The following LAMB4 variants were observed in gnomAD, a reference collection of about 807,000 sequenced individuals.
The protein encoded by LAMB4 is laminin subunit beta-4.
In LAMB4, 196 loss-of-function variants were observed where a neutral mutation model predicts 199.2. That is an observed-to-expected ratio of 0.98 (90% CI 0.88 to 1.11). LAMB4 has a LOEUF of 1.11. Ranked by LOEUF, LAMB4 falls within the 50% of genes least tolerant of loss-of-function variation. LAMB4 has a pLI of 0.00. For missense variants in LAMB4, 2,080 were observed against 2,171.2 expected (o/e 0.96, Z 0.83); for synonymous variants, 744 against 770.6 (o/e 0.97, Z 0.57).
rs557472873 is a variant in LAMB4, at chr7:108,079,632, T to A, written c.1856A>T (p.Asp619Val). 2.0e-5 allele frequency: 32 copies of A among 1,611,036 alleles called. No homozygotes were observed. The highest frequency in any genetic ancestry group is 2.6e-5 in the Non-Finnish European group (31 of 1,179,004). ...FAVNNIPFPV[D>V]FTIAIHYETQ... ...TTCATAGTGAATGGCAATGGTGAAG[T>A]CCACAGGAAAGGGAATGTTGTTGAC... Residue 619 changes from aspartate to valine, a missense_variant, in exon 15 of 34, where the codon GAC (aspartate) becomes GTC (valine). By Grantham distance (152) the Asp-to-Val change is radical. Transcript: ENST00000388781.
In LAMB4 at chr7:108,068,886, A is replaced by G. The variant is rs372704346; in HGVS notation, c.2303-727T>C. On this transcript the variant is annotated intron_variant, in intron 18 of 33. Coordinates refer to ENST00000388781, the MANE Select transcript of LAMB4 (RefSeq NM_007356.3). ...TTTTTAGTAAAGATGGTGTTTCACC[A>G]TTTTGGCCAGGCTGGTCTCGAACTC... Among the ~76,000 whole-genome samples, 87 of 151,534 alleles carry G rather than the reference A, an allele frequency of 5.7e-4. 1 individual carries two copies. The East Asian group carries it at 8.0e-3, about 14-fold the overall frequency.
chr7:108,052,076 A>G (rs2035843881), intron 26 of LAMB4, 21 bp downstream of exon 26: 3 of 1,589,240 alleles, frequency 1.9e-6, no homozygotes. Flanking sequence ...AGACACAGTC[A>G]AAAATACATT....
chr7:108,039,507 C>T lies in LAMB4; in HGVS notation c.4472-1912G>A, dbSNP rs78564890. Among the ~76,000 whole-genome samples, 1,171 of 142,940 alleles carry T rather than the reference C, an allele frequency of 8.2e-3. 11 individuals are homozygous for T. The highest frequency in any genetic ancestry group is 0.027 in the African/African-American group (1,047 of 38,686). The allele number at this position is 142,940 out of a possible 152,430, so 93.8% of individuals were successfully genotyped here. On this transcript the variant is annotated intron_variant, in intron 29 of 33. Transcript: ENST00000388781. Reference sequence around the variant, plus strand: ...TTTTTGAGATGGTGTCTCGCTGTATCGCTCAGGCTGGAGTGCAGTGGTGCG... The same window carrying T: ...TTTTTGAGATGGTGTCTCGCTGTATTGCTCAGGCTGGAGTGCAGTGGTGCG...
rs1242359070 is a variant in LAMB4, at chr7:108,035,545, A to AC, written c.4680-1200_4680-1199insG. Among the ~76,000 whole-genome samples, 3 of 112,478 alleles carry AC rather than the reference A, an allele frequency of 2.7e-5. No homozygotes were observed. In the East Asian group the frequency reaches 8.6e-4, roughly 32 times the overall value. The allele number at this position is 112,478 out of a possible 152,430, so 73.8% of individuals were successfully genotyped here. On this transcript the variant is annotated intron_variant, in intron 30 of 33. Transcript: ENST00000388781. ...TGACAGAATGAGACCCTGTCTCAAA[A>AC]GAAAAAAAAAAAAAAAGATTTTCAA... is the stretch of plus-strand genomic sequence containing the variant.
intron 10 of LAMB4, 102 bp downstream of exon 10, chr7:108,102,942 T>C: frequency 1.0e-6 from 1 of 978,406 alleles, no homozygotes; most frequent in Non-Finnish European, 1.5e-6. Context: ...ATAGGGTAGT[T>C]TGGAGATGCC....
In LAMB4 at chr7:108,065,776, A is replaced by G; in HGVS notation, c.2822T>C (p.Leu941Pro). 6.2e-7 allele frequency: 1 copy of G among 1,614,082 alleles called. No homozygotes were observed. The highest frequency in any genetic ancestry group is 8.5e-7 in the Non-Finnish European group (1 of 1,179,962). Residue 941 changes from leucine to proline, a missense_variant, in exon 21 of 34, where the codon CTT (leucine) becomes CCT (proline). Physicochemically the swap from Leu to Pro is moderately conservative, Grantham distance 98. Coordinates refer to ENST00000388781, the MANE Select transcript of LAMB4 (RefSeq NM_007356.3). ...LWSSDVICNC[L>P]QGYTGTQCGE... ...ATACTGCATACCCGTATAACCTTGAAGACAATTGCAGATTACATCTGAGCT... is the reference window on the plus strand; with the variant it reads ...ATACTGCATACCCGTATAACCTTGAGGACAATTGCAGATTACATCTGAGCT...
chr7:108,090,433 T>C (rs1455881450), intron 14 of LAMB4, among the ~76,000 whole-genome samples: 1 of 152,176 alleles, frequency 6.6e-6, no homozygotes, highest in Non-Finnish European at 1.5e-5. Flanking sequence ...ACCTATTCCA[T>C]GTCCTGGATA....
chr7:108,124,090 G>T (rs1371279365), intron 1 of LAMB4, among the ~76,000 whole-genome samples: 5 of 152,014 alleles, frequency 3.3e-5, no homozygotes, highest in African/African-American at 9.7e-5. Flanking sequence ...TGGTGGACCA[G>T]TGCAGCCTCA....
rs59988625 is a variant in LAMB4 at position 108,031,376 on chromosome 7, A to AC, written c.4819-398_4819-397insG. Among the ~76,000 whole-genome samples, 605 of 150,128 alleles carry AC rather than the reference A, an allele frequency of 4.0e-3. 4 individuals are homozygous for AC. The highest frequency in any genetic ancestry group is 0.014 in the African/African-American group (577 of 41,064). ...AAAAAAGAAAAAGGAAAAGAAAAAA[A>AC]AAAAAAAGAGCGAAGAGAAAAAAAG... On this transcript the variant is annotated intron_variant, in intron 31 of 33. Coordinates refer to ENST00000388781, the MANE Select transcript of LAMB4 (RefSeq NM_007356.3).
At chr7:108,103,454 C>T (rs942108386) in intron 9 of LAMB4, among the ~76,000 whole-genome samples, 1 of 152,216 alleles carries the variant, frequency 6.6e-6, no homozygotes, top group East Asian at 1.9e-4. Context: ...ATGTGCTCCC[C>T]ATATGTTAAA....
At chr7:108,128,210 C>T (rs1204266439) in intron 1 of LAMB4, among the ~76,000 whole-genome samples, 2 of 152,128 alleles carry the variant, frequency 1.3e-5, no homozygotes, top group African/African-American at 4.8e-5. Context: ...TGCAGCCTTA[C>T]ATACAGCCAT....
chr7:108,095,394 G>A, intron 11 of LAMB4, 57 bp from the exon 12 acceptor site: 1 of 1,245,934 alleles, frequency 8.0e-7, no homozygotes, highest in South Asian at 1.2e-5. Context: ...TCTTGCAAGT[G>A]TACTTAATAG....
intron 14 of LAMB4, among the ~76,000 whole-genome samples, chr7:108,082,018 C>T (rs1205510067): frequency 6.6e-6 from 1 of 152,160 alleles, no homozygotes; most frequent in East Asian, 1.9e-4. Context: ...ATATTCTTCA[C>T]AAGCATTAAT....
chr7:108,104,446 A>G, intron 9 of LAMB4, 53 bp downstream of exon 9: 1 of 1,605,052 alleles, frequency 6.2e-7, no homozygotes, highest in Non-Finnish European at 8.5e-7. Flanking sequence ...TGTTTCTTAA[A>G]TAAGGAAATG....
At chr7:108,025,432 CTTTTT>C (rs767315122) in intron 33 of LAMB4, among the ~76,000 whole-genome samples, 1,418 of 106,834 alleles carry the variant, frequency 0.013, 83 homozygotes, top group African/African-American at 0.078. Context: ...TTCTTTCTTT[CTTTTT>C]TTTTTTTTGA....
intron 33 of LAMB4, among the ~76,000 whole-genome samples, chr7:108,024,466 T>C (rs2034764979): frequency 6.6e-6 from 1 of 152,246 alleles, no homozygotes; most frequent in East Asian, 1.9e-4. Context: ...ATAACATCCT[T>C]GATGGGATTT....
intron 16 of LAMB4, among the ~76,000 whole-genome samples, chr7:108,077,605 A>C (rs982362589): frequency 3.3e-5 from 5 of 152,244 alleles, no homozygotes; most frequent in Admixed American, 1.3e-4. Context: ...GAGGCAGGAG[A>C]ATCACTTGAA....
intron 11 of LAMB4, 108 bp from the exon 12 acceptor site, chr7:108,095,445 A>C: frequency 1.3e-6 from 1 of 771,796 alleles, no homozygotes. Context: ...AACACAGAGA[A>C]GCCTGCCCTG....
intron 23 of LAMB4, among the ~76,000 whole-genome samples, chr7:108,060,807 T>C (rs1033480875): frequency 6.6e-6 from 1 of 152,224 alleles, no homozygotes; most frequent in African/African-American, 2.4e-5. Context: ...AAATCTCCAG[T>C]GCAGAAGAAT....
Sources: gnomAD v4.1 joint callset for allele counts (sites outside exome capture counted in the v4.1 genomes callset) on GRCh38, gnomAD v4.1.1 for gene constraint, MANE v1.5 for transcripts, NCBI Gene and HGNC (gene_info 2026-07-23, HGNC 2026-07-21) for gene names.